The following TLN2 variants were observed in gnomAD, a reference collection of about 807,000 sequenced individuals.
TLN2 encodes talin 2.
A neutral mutation model predicts 294.7 loss-of-function variants in TLN2; 118 were observed. The ratio of observed to expected loss-of-function variants is 0.40; its 90% CI spans 0.34 to 0.47. The LOEUF is 0.47. Among genes scored for constraint, TLN2 ranks in the 20% least tolerant of loss-of-function variants. The pLI is 0.84. For missense variants in TLN2, 3,083 were observed against 3,282.2 expected, an observed-to-expected ratio of 0.94 and a Z score of 1.48; for synonymous variants, 1,431 against 1,304.5, an observed-to-expected ratio of 1.10 and a Z score of -2.09.
chr15:62,435,439 G>C (rs953409198), intron 1 of TLN2, among the ~76,000 whole-genome samples: 5 of 152,096 alleles, frequency 3.3e-5, no homozygotes, highest in African/African-American at 7.2e-5. Flanking sequence ...ATATGCTTAA[G>C]TCATTTTTAT....
intron 1 of TLN2, among the ~76,000 whole-genome samples, chr15:62,465,258 C>T (rs990621278): frequency 1.3e-5 from 2 of 152,054 alleles, no homozygotes; most frequent in Non-Finnish European, 2.9e-5. Context: ...GGAGTTATCG[C>T]TTACTTTCCC....
intron 1 of TLN2, among the ~76,000 whole-genome samples, chr15:62,476,836 C>G (rs118082990): frequency 0.011 from 1,716 of 152,330 alleles, 11 homozygotes; most frequent in Middle Eastern, 0.034. Flanking sequence ...CATGTACCTT[C>G]TCATCCATCA....
chr15:62,813,964 G>C (rs928350929), intron 52 of TLN2, among the ~76,000 whole-genome samples: 7 of 152,110 alleles, frequency 4.6e-5, no homozygotes, highest in Non-Finnish European at 1.0e-4. Flanking sequence ...ACAGGCACGA[G>C]CTACCAGGCC....
chr15:62,645,035 AC>A (rs1401534360), intron 3 of TLN2: 1 of 160,884 alleles, frequency 6.2e-6, no homozygotes, highest in Non-Finnish European at 1.4e-5. Context: ...ACTGACTCTT[AC>A]CACCAGTCAT....
chr15:62,563,680 A>C (rs1396266082), intron 1 of TLN2, among the ~76,000 whole-genome samples: 2 of 152,168 alleles, frequency 1.3e-5, no homozygotes, highest in African/African-American at 4.8e-5. Flanking sequence ...AATGTCTAGA[A>C]GGTCTCCCAT....
rs1337032489 is a variant in TLN2 at position 62,642,683 on chromosome 15, T to A, written c.-36-4592T>A. On this transcript the variant is annotated intron_variant, in intron 3 of 58. Coordinates refer to ENST00000636159, the MANE Select transcript of TLN2 (RefSeq NM_015059.3). ...TACTTTCTTTTTGTTGTTGTTTTTG[T>A]TTGTTTGTTTGTTTTCTGTTTTTTT... Among the ~76,000 whole-genome samples, 2 of 144,786 alleles carry A rather than the reference T, an allele frequency of 1.4e-5. 1 individual carries two copies. The highest frequency in any genetic ancestry group is 5.7e-5 in the African/African-American group (2 of 34,900). The allele number at this position is 144,786 out of a possible 152,430, so 95.0% of individuals were successfully genotyped here.
At chr15:62,568,637 G>T (rs1044893845) in intron 1 of TLN2, among the ~76,000 whole-genome samples, 8 of 152,288 alleles carry the variant, frequency 5.3e-5, no homozygotes, top group Middle Eastern at 3.4e-3. Flanking sequence ...GGAATAGTGT[G>T]TTTCTTTGGG....
intron 52 of TLN2, 134 bp from the exon 53 acceptor site, chr15:62,819,382 C>G: frequency 4.3e-6 from 3 of 696,442 alleles, no homozygotes; most frequent in Admixed American, 4.8e-5. Context: ...CCACAAGGCT[C>G]TGAAGTCACT....
At chr15:62,690,542 C>T (rs1279492003) in intron 12 of TLN2, 52 of 160,554 alleles carry the variant, frequency 3.2e-4, no homozygotes, top group South Asian at 4.8e-4. Context: ...GGCAGCCAGG[C>T]AGAGGGGCTC....
At position 62,741,748 on chromosome 15, in the gene TLN2, C is replaced by CGCGCGCGCGTGTGTGTGTGTGTGTGT; in HGVS notation, c.4025+980_4025+981insCGCGCGCGTGTGTGTGTGTGTGTGTG. ...TTAACTTGGTTTTTTAAAATTTGCGCGTGTGTGTGTGTGTGTGTGTCTTTA... is the reference window on the plus strand; with the variant it reads ...TTAACTTGGTTTTTTAAAATTTGCGCGCGCGCGCGTGTGTGTGTGTGTGTGTGTGTGTGTGTGTGTGTGTGTCTTTA... On this transcript the variant is annotated intron_variant, in intron 32 of 58. Transcript: ENST00000636159. 5.5e-3 allele frequency among the ~76,000 whole-genome samples: 719 copies of CGCGCGCGCGTGTGTGTGTGTGTGTGT among 131,138 alleles called. 6 individuals are homozygous for CGCGCGCGCGTGTGTGTGTGTGTGTGT. Among genetic ancestry groups the CGCGCGCGCGTGTGTGTGTGTGTGTGT allele is most frequent in the African/African-American group, 7.0e-3 (241 of 34,326 alleles). The allele number at this position is 131,138 out of a possible 152,430, so 86.0% of individuals were successfully genotyped here. A position where few individuals can be genotyped will look rare whatever the true frequency, so the allele number is the denominator to read the frequency against.
chr15:62,756,462 G>T (rs369175892), intron 37 of TLN2, among the ~76,000 whole-genome samples: 1 of 152,150 alleles, frequency 6.6e-6, no homozygotes, highest in African/African-American at 2.4e-5. Context: ...ACAACAGACC[G>T]CAGGCAGAAG....
intron 9 of TLN2, among the ~76,000 whole-genome samples, chr15:62,665,277 TG>T (rs1279499154): frequency 4.6e-5 from 7 of 152,090 alleles, no homozygotes; most frequent in Non-Finnish European, 8.8e-5. Context: ...CTCGAACTCC[TG>T]GGTTCAAGCG....
chr15:62,788,181 G>A (rs1025748744), intron 45 of TLN2, among the ~76,000 whole-genome samples: 7 of 151,702 alleles, frequency 4.6e-5, no homozygotes, highest in Non-Finnish European at 8.8e-5. Context: ...CATGGTGGGG[G>A]GTGCCTGTAA....
In TLN2 at chr15:62,709,720, T is replaced by TTTTTTTCTTTTTTC. The variant is rs150340385; in HGVS notation, c.2467+937_2467+950dup. Among the ~76,000 whole-genome samples, 166 of 148,656 alleles carry TTTTTTTCTTTTTTC rather than the reference T, an allele frequency of 1.1e-3. 1 individual carries two copies. Among genetic ancestry groups the TTTTTTTCTTTTTTC allele is most frequent in the East Asian group, 0.011 (54 of 5,028 alleles). ...TTCATTTTATATATCTTAAAGACTT[T>TTTTTTTCTTTTTTC]TTTTTTCTTTTTTCTTTTTTCTTTT... On this transcript the variant is annotated intron_variant, in intron 21 of 58. Coordinates refer to ENST00000636159, the MANE Select transcript of TLN2 (RefSeq NM_015059.3).
At chr15:62,603,188 G>A (rs568555366) in intron 2 of TLN2, among the ~76,000 whole-genome samples, 4 of 152,240 alleles carry the variant, frequency 2.6e-5, no homozygotes, top group Admixed American at 2.0e-4. Context: ...CACCGCGCCC[G>A]GCCGAGGCGT....
intron 40 of TLN2, among the ~76,000 whole-genome samples, chr15:62,765,319 T>C (rs924029105): frequency 1.4e-4 from 22 of 152,076 alleles, no homozygotes; most frequent in African/African-American, 5.3e-4. Flanking sequence ...CTTTTTCCTT[T>C]TTTTTTTTCT....
intron 7 of TLN2, among the ~76,000 whole-genome samples, chr15:62,653,538 A>G (rs916543674): frequency 1.1e-4 from 17 of 152,168 alleles, no homozygotes; most frequent in Admixed American, 9.8e-4. Flanking sequence ...AGCCTGGCCA[A>G]TATGGTGAAA....
At chr15:62,518,199 C>G (rs1403874503) in intron 1 of TLN2, among the ~76,000 whole-genome samples, 1 of 152,106 alleles carries the variant, frequency 6.6e-6, no homozygotes, top group Non-Finnish European at 1.5e-5. Flanking sequence ...TCACCACGTC[C>G]CGCTAGTTTT....
intron 22 of TLN2, 59 bp downstream of exon 22, chr15:62,712,136 AG>A: frequency 6.3e-7 from 1 of 1,577,712 alleles, no homozygotes; most frequent in South Asian, 1.1e-5. Context: ...AGGATTTGGA[AG>A]GTACTTTCCA....
Sources: gnomAD v4.1 joint callset for allele counts (sites outside exome capture counted in the v4.1 genomes callset) on GRCh38, gnomAD v4.1.1 for gene constraint, MANE v1.5 for transcripts, NCBI Gene and HGNC (gene_info 2026-07-23, HGNC 2026-07-21) for gene names.